ITGA10: variants seen among roughly 807,000 people sequenced by gnomAD.
ITGA10 encodes the protein integrin alpha-10.
Under a neutral mutation model 145.2 loss-of-function variants are expected in ITGA10, and 105 were observed. That is an observed-to-expected ratio of 0.72 (90% confidence interval 0.62 to 0.85). The LOEUF is 0.85. ITGA10 is among the 40% of genes least tolerant of loss of function. ITGA10 has a pLI of 0.00. For missense variants in ITGA10, 1,317 were observed against 1,444.5 expected, an observed-to-expected ratio of 0.91 and a Z score of 1.43; for synonymous variants, 506 against 557.8, an observed-to-expected ratio of 0.91 and a Z score of 1.31.
chr1:145,905,530 C>T (rs1442002410), intron 5 of ITGA10, among the ~76,000 whole-genome samples: 10 of 151,890 alleles, frequency 6.6e-5, no homozygotes, highest in Admixed American at 5.2e-4. Context: ...CCACTGGCCT[C>T]GGCCTCCCAA....
At position 145,906,831 on chromosome 1, in the gene ITGA10, G is replaced by T; in HGVS notation, c.275-7C>A. The T allele has an allele frequency of 6.3e-7, 1 of 1,585,442 alleles. No homozygotes were observed. The highest frequency in any genetic ancestry group is 8.7e-7 in the Non-Finnish European group (1 of 1,154,652). ...TTTCCCAGTTGGTAGTCACCTGGTTGGAAGGAGGTGGAAGAGAATGAGATC... is the reference window on the plus strand; with the variant it reads ...TTTCCCAGTTGGTAGTCACCTGGTTTGAAGGAGGTGGAAGAGAATGAGATC... On this transcript the variant is annotated splice_region_variant and splice_polypyrimidine_tract_variant and intron_variant, in intron 3 of 29. Transcript: ENST00000369304.
intron 17 of ITGA10, among the ~76,000 whole-genome samples, chr1:145,898,693 TG>T (rs1655798883): frequency 1.3e-5 from 2 of 152,182 alleles, no homozygotes; most frequent in South Asian, 4.1e-4. Flanking sequence ...ACAACTCCTA[TG>T]ATACAGTTAT....
intron 17 of ITGA10, among the ~76,000 whole-genome samples, chr1:145,898,429 CAT>C (rs1655753406): frequency 1.3e-5 from 2 of 152,126 alleles, no homozygotes; most frequent in African/African-American, 4.8e-5. Flanking sequence ...AGTGCAGTGG[CAT>C]GATCTCGGCT....
Position 145,906,465 on chromosome 1 carries a change from A to T in ITGA10, c.410T>A (p.Phe137Tyr). 1.2e-6 allele frequency: 2 copies of T among 1,614,114 alleles called. No individual in the cohort carries two copies. The highest frequency in any genetic ancestry group is 3.3e-4 in the Middle Eastern group (2 of 6,062). The change falls in exon 5 of 30, where the codon TTC (phenylalanine) becomes TAC (tyrosine). Residue 137 changes from phenylalanine (F) to tyrosine (Y), a missense_variant. Transcript: ENST00000369304. ...LWSRACGSSV[F>Y]SSGICARVDA... ...CACACGGGCACATATCCCAGAACTG[A>T]AGACAGAGCTGCCACAAGCACGAGA...
At position 145,907,727 on chromosome 1, in the gene ITGA10, C is replaced by T. The variant is rs1212212536; in HGVS notation, c.53-262G>A. On this transcript the variant is annotated intron_variant, in intron 1 of 29. Coordinates refer to ENST00000369304, the MANE Select transcript of ITGA10 (RefSeq NM_003637.5). ...ATTTCCATTCCCACCCCTGAAATTT[C>T]ATTCACAGACATGTCTGAAAAGGTC... The T allele has an allele frequency of 1.9e-5, 3 of 158,308 alleles. No homozygotes were observed. In the Admixed American group the frequency reaches 2.3e-4, roughly 12 times the overall value. The allele number at this position is 158,308 out of a possible 1,614,324, so 9.8% of individuals were successfully genotyped here. A position where few individuals can be genotyped will look rare whatever the true frequency, so the allele number is the denominator to read the frequency against.
Position 145,895,296 on chromosome 1 carries a change from T to C in ITGA10, c.3212A>G (p.Asn1071Ser), listed in dbSNP as rs1188514231. Residue 1071 changes from asparagine (N) to serine (S), a missense_variant, in exon 27 of 30, where the codon AAT becomes AGT. By Grantham distance (46) the Asn-to-Ser change is conservative. Coordinates refer to ENST00000369304, the MANE Select transcript of ITGA10 (RefSeq NM_003637.5). Reference protein sequence around the residue: ...VSVGLLRLVHNEFFRRAKFKS... With the variant: ...VSVGLLRLVHSEFFRRAKFKS... ...AAGGCTTACTCTTCGGAAAAATTCATTGTGAACCAGCCTCAATAGTCCAAC... is the reference window on the plus strand; with the variant it reads ...AAGGCTTACTCTTCGGAAAAATTCACTGTGAACCAGCCTCAATAGTCCAAC... 3.1e-6 allele frequency: 5 copies of C among 1,613,686 alleles called. No homozygotes were observed. The South Asian group carries it at 4.4e-5, about 14-fold the overall frequency.
chr1:145,900,430 G>A (rs1656122562), intron 14 of ITGA10, among the ~76,000 whole-genome samples: 1 of 152,008 alleles, frequency 6.6e-6, no homozygotes, highest in Non-Finnish European at 1.5e-5. Context: ...ACCAGGCCCG[G>A]CTAATTTTTT....
At position 145,899,361 on chromosome 1, in the gene ITGA10, G is replaced by T. The variant is rs781930159; in HGVS notation, c.1923-20C>A. On this transcript the variant is annotated intron_variant, in intron 15 of 29. Coordinates refer to ENST00000369304, the MANE Select transcript of ITGA10 (RefSeq NM_003637.5). ...CGGGAGCTGGGAACAGTGTGGAAAAGAAATTCTAGCAGTAGGAGGTAAGCC... is the reference window on the plus strand; with the variant it reads ...CGGGAGCTGGGAACAGTGTGGAAAATAAATTCTAGCAGTAGGAGGTAAGCC... The T allele has an allele frequency of 6.2e-7, 1 of 1,609,334 alleles. No individual in the cohort carries two copies. Among genetic ancestry groups the T allele is most frequent in the Non-Finnish European group, 8.5e-7 (1 of 1,176,888 alleles).
Position 145,906,718 on chromosome 1 carries a change from C to A in ITGA10, c.366+15G>T. 5.7e-6 allele frequency: 9 copies of A among 1,584,350 alleles called. No individual in the cohort carries two copies. Among genetic ancestry groups the A allele is most frequent in the Non-Finnish European group, 7.8e-6 (9 of 1,153,194 alleles). ...GACCTTCAGAGACACTGCCACCACC[C>A]TCTCCTTAGCTCACCATGAATCCCC... On this transcript the variant is annotated intron_variant, in intron 4 of 29. Coordinates refer to ENST00000369304, the MANE Select transcript of ITGA10 (RefSeq NM_003637.5).
At position 145,901,582 on chromosome 1, in the gene ITGA10, T is replaced by A. The variant is rs781883495; in HGVS notation, c.1377A>T (p.Lys459Asn). Residue 459 changes from lysine (K) to asparagine (N), a missense_variant, in exon 12 of 30, where the codon AAA becomes AAT. Lys to Asn is a moderately conservative substitution (Grantham distance 94, BLOSUM62 0). Transcript: ENST00000369304. The surrounding 1 kb of genome is among the most constrained non-coding windows in gnomAD (Gnocchi z 4.3). ...SGAPRFRHRG[K>N]VIAFQLKKDG... ...CTTTCTTAAGCTGGAAGGCGATGAC[T>A]TTTCCTCGATGTCTAAATCGAGGAG... 1 of 1,607,160 alleles carries A rather than the reference T, an allele frequency of 6.2e-7. No homozygotes were observed. Among genetic ancestry groups the A allele is most frequent in the Middle Eastern group, 1.7e-4 (1 of 6,014 alleles).
rs1655713037 is a variant in ITGA10, at chr1:145,898,173, C to T, written c.2283G>A (p.Leu761=). 1 of 1,613,976 alleles carries T rather than the reference C, an allele frequency of 6.2e-7. No homozygotes were observed. Among genetic ancestry groups the T allele is most frequent in the Admixed American group, 1.7e-5 (1 of 59,988 alleles). Residue 761 remains leucine (L), a synonymous_variant, in exon 18 of 30, where the codon TTG becomes TTA. Coordinates refer to ENST00000369304, the MANE Select transcript of ITGA10 (RefSeq NM_003637.5). ...RPVALTVTFA[L]DNTTKPGPVL... is the part of the protein sequence containing the mutation. The stretch of plus-strand genomic sequence containing the variant: ...CAGGCCCTGGCTTTGTAGTATTGTC[C>T]AAGGCAAAGGTCACAGTCAAGGCCA...
At chr1:145,897,975 A>G in intron 18 of ITGA10, 75 bp from the exon 19 acceptor site, 2 of 1,387,184 alleles carry the variant, frequency 1.4e-6, no homozygotes, top group Non-Finnish European at 2.1e-6. Context: ...GAAAGTGAAA[A>G]GACAAAAGTG....
chr1:145,896,500 A>G (rs782089173), intron 23 of ITGA10, 148 bp from the exon 24 acceptor site: 1 of 718,750 alleles, frequency 1.4e-6, no homozygotes, highest in Non-Finnish European at 2.5e-6. Flanking sequence ...CAGAAGTAGA[A>G]CATGACACAG....
rs1553748532 is a variant in ITGA10, at chr1:145,901,583, T to C, written c.1376A>G (p.Lys459Arg). Residue 459 changes from lysine to arginine, a missense_variant, in exon 12 of 30, where the codon AAA (lysine) becomes AGA (arginine). Physicochemically the swap from Lys to Arg is conservative, Grantham distance 26. Coordinates refer to ENST00000369304, the MANE Select transcript of ITGA10 (RefSeq NM_003637.5). This position sits in a 1 kb window ranked among gnomAD's most constrained non-coding sequence, Gnocchi z 4.3. ...TTTCTTAAGCTGGAAGGCGATGACT[T>C]TTCCTCGATGTCTAAATCGAGGAGC... Reference protein sequence around the residue: ...SGAPRFRHRGKVIAFQLKKDG... With the variant: ...SGAPRFRHRGRVIAFQLKKDG... The C allele has an allele frequency of 6.2e-7, 1 of 1,607,550 alleles. No individual in the cohort carries two copies. Among genetic ancestry groups the C allele is most frequent in the Admixed American group, 1.7e-5 (1 of 58,382 alleles).
chr1:145,898,267 G>A (rs781949942), intron 17 of ITGA10, 44 bp from the exon 18 acceptor site: 2 of 1,272,338 alleles, frequency 1.6e-6, no homozygotes, highest in African/African-American at 1.5e-5. Flanking sequence ...CAAGGATCTT[G>A]TGATAATTGT....
Position 145,902,870 on chromosome 1 carries a change from C to T in ITGA10, c.850G>A (p.Glu284Lys). 1 of 1,614,014 alleles carries T rather than the reference C, an allele frequency of 6.2e-7. No individual in the cohort carries two copies. Among genetic ancestry groups the T allele is most frequent in the South Asian group, 1.1e-5 (1 of 91,068 alleles). The change falls in exon 8 of 30, where the codon GAG becomes AAG. Residue 284 changes from glutamate to lysine, a missense_variant. Coordinates refer to ENST00000369304, the MANE Select transcript of ITGA10 (RefSeq NM_003637.5). ...CAGGCCTTTAGTGCTGCAGGAAGCT[C>T]CTCTCCATCATGGGACTCTCCATCA... ...VTDGESHDGE[E>K]LPAALKACEA...
chr1:145,892,552 A>G lies in ITGA10; in HGVS notation c.*246T>C. The G allele has an allele frequency of 4.8e-6, 2 of 417,148 alleles. No individual in the cohort carries two copies. The highest frequency in any genetic ancestry group is 4.3e-6 in the Non-Finnish European group (1 of 234,728). 25.8% of individuals were successfully genotyped at this position (417,148 alleles called of 1,614,324 possible). A position where few individuals can be genotyped will look rare whatever the true frequency, so the allele number is the denominator to read the frequency against. The stretch of plus-strand genomic sequence containing the variant: ...CCCCAGTGTTGGCTATGGAACCAGG[A>G]TCACGAGGAGGAGGGAAGCAGAGGG... On this transcript the variant is annotated 3_prime_UTR_variant, in exon 30 of 30. Transcript: ENST00000369304.
At chr1:145,899,748 T>C (rs1655970659) in intron 15 of ITGA10, among the ~76,000 whole-genome samples, 1 of 152,096 alleles carries the variant, frequency 6.6e-6, no homozygotes, top group African/African-American at 2.4e-5. Context: ...TGGCCTCAAA[T>C]GATCCTCCTA....
chr1:145,904,956 G>A, intron 5 of ITGA10, 145 bp from the exon 6 acceptor site: 3 of 768,168 alleles, frequency 3.9e-6, no homozygotes, highest in South Asian at 4.2e-5. Flanking sequence ...CTGTGTAAGT[G>A]TAGAAATTAA....
Sources: allele counts gnomAD v4.1 joint callset (sites outside exome capture counted in the v4.1 genomes callset), GRCh38; gene constraint gnomAD v4.1.1; non-coding constraint Gnocchi (gnomAD v3.1); transcripts MANE v1.5; gene names NCBI Gene and HGNC (gene_info 2026-07-23, HGNC 2026-07-21).